The following USP4 variants were observed in gnomAD, a reference collection of about 807,000 sequenced individuals.
USP4 encodes the protein ubiquitin carboxyl-terminal hydrolase 4.
Under a neutral mutation model 118.2 loss-of-function variants are expected in USP4, and 72 were observed. That is an observed-to-expected ratio of 0.61 (90% CI 0.50 to 0.74). The LOEUF is 0.74. Ranked by LOEUF, USP4 falls within the 30% of genes least tolerant of loss-of-function variation. USP4 has a pLI of 0.00. For synonymous variants in USP4, 415 were observed against 440.4 expected, an observed-to-expected ratio of 0.94 and a Z score of 0.72; for missense variants, 1,037 against 1,185.7, an observed-to-expected ratio of 0.87 and a Z score of 1.84.
At chr3:49,310,540 A>C in intron 8 of USP4, 80 bp downstream of exon 8, 1 of 1,204,104 alleles carries the variant, frequency 8.3e-7, no homozygotes, top group Non-Finnish European at 1.2e-6. Flanking sequence ...CTGGGAGAGG[A>C]TCCACCCAGT....
chr3:49,304,238 C>T (rs902178369), intron 9 of USP4, among the ~76,000 whole-genome samples: 1 of 152,082 alleles, frequency 6.6e-6, no homozygotes, highest in African/African-American at 2.4e-5. Flanking sequence ...CATAAATATG[C>T]ATGTCTTTTC....
At chr3:49,285,542 A>C (rs775983820) in intron 16 of USP4, among the ~76,000 whole-genome samples, 11 of 152,098 alleles carry the variant, frequency 7.2e-5, no homozygotes, top group Non-Finnish European at 1.3e-4. Context: ...GCTACTCAGG[A>C]GGGTGAGGTG....
chr3:49,324,716 C>T lies in USP4; in HGVS notation c.681G>A (p.Gln227=). ...AATTCACTTACTTTGACTGCAAGGT[C>T]TGCCTGGGCCATGTGCCATCTTCAT... ...PQNEDGTWPR[Q]TLQSKSSTAP... is the part of the protein sequence containing the mutation. Residue 227 remains glutamine, a synonymous_variant, in exon 6 of 22, where the codon CAG becomes CAA. Transcript: ENST00000265560. The T allele has an allele frequency of 6.2e-7, 1 of 1,614,212 alleles. No individual in the cohort carries two copies. The highest frequency in any genetic ancestry group is 8.5e-7 in the Non-Finnish European group (1 of 1,180,020).
At chr3:49,318,472 G>T in intron 6 of USP4, 1 of 985,398 alleles carries the variant, frequency 1.0e-6, no homozygotes, top group East Asian at 1.1e-4. Context: ...GAGAGAAACA[G>T]ATGGAAAGAG....
chr3:49,313,905 T>G (rs535071117), intron 6 of USP4: 118 of 152,124 alleles, frequency 7.8e-4, no homozygotes, highest in African/African-American at 2.7e-3. Flanking sequence ...AACAGTCTCC[T>G]TATGTTGCCC....
In USP4 at chr3:49,294,505, G is replaced by A. The variant is rs2047182976; in HGVS notation, c.1785C>T (p.Ser595=). 2 of 1,614,220 alleles carry A rather than the reference G, an allele frequency of 1.2e-6. No homozygotes were observed. Among genetic ancestry groups the A allele is most frequent in the Non-Finnish European group, 1.7e-6 (2 of 1,180,028 alleles). Reference sequence around the variant, plus strand: ...GCTGCCCATATAGCGCTGATGCGGAGGAAGTGCTTGATGGCCTGGACTTCC... The same window carrying A: ...GCTGCCCATATAGCGCTGATGCGGAAGAAGTGCTTGATGGCCTGGACTTCC... ...RERKSRPSST[S]SASALYGQPL... The change falls in exon 14 of 22, where the codon TCC becomes TCT. Residue 595 remains serine, a synonymous_variant. Transcript: ENST00000265560.
At position 49,282,335 on chromosome 3, in the gene USP4, C is replaced by T. The variant is rs187763804; in HGVS notation, c.2541-1488G>A. 1.6e-3 allele frequency among the ~76,000 whole-genome samples: 246 copies of T among 151,692 alleles called. No individual in the cohort carries two copies. The Middle Eastern group carries it at 0.017, about 11-fold the overall frequency. ...TGTCGTCCGGGCTGGAGTGCAGTGG[C>T]GCGATCTTGACTCACTGCAACCTCT... On this transcript the variant is annotated intron_variant, in intron 19 of 21. Coordinates refer to ENST00000265560, the MANE Select transcript of USP4 (RefSeq NM_003363.4).
intron 6 of USP4, 122 bp downstream of exon 6, chr3:49,324,578 GAT>G (rs2047531897): frequency 1.1e-6 from 1 of 903,782 alleles, no homozygotes; most frequent in East Asian, 2.4e-5. Flanking sequence ...ATGAACTCTG[GAT>G]ATACAAAATA....
chr3:49,337,254 G>A (rs2047677935), intron 1 of USP4, among the ~76,000 whole-genome samples: 1 of 151,776 alleles, frequency 6.6e-6, no homozygotes, highest in Admixed American at 6.6e-5. Context: ...CTCTAGCCTG[G>A]GTGACAGGAA....
chr3:49,325,719 C>A lies in USP4; in HGVS notation c.487G>T (p.Ala163Ser). The A allele has an allele frequency of 6.2e-7, 1 of 1,613,372 alleles. No individual in the cohort carries two copies. Among genetic ancestry groups the A allele is most frequent in the South Asian group, 1.1e-5 (1 of 91,044 alleles). The change falls in exon 4 of 22, where the codon GCA (alanine) becomes TCA (serine). Residue 163 changes from alanine to serine, a missense_variant and splice_region_variant. Coordinates refer to ENST00000265560, the MANE Select transcript of USP4 (RefSeq NM_003363.4). ...CAGGGACCCCAGCCCAGCCTCTCAC[C>A]AATGGTGTCTGCCTTGCTGAAATGG... ...SCHFSKADTI[A>S]TIEKEMRKLF...
At position 49,324,897 on chromosome 3, in the gene USP4, AC is replaced by A; in HGVS notation, c.629del (p.Gly210ValfsTer4). ...NTVQDAGLYQGQVLVIEPQNE... is the reference protein window; with the variant it reads ...NTVQDAGLYQXQVLVIEPQNE... The stretch of plus-strand genomic sequence containing the variant: ...GGAATGGCCAGGGCCCTCCTACCTG[AC>A]CCTGGTATAGCCCAGCATCCTGGAC... On this transcript the variant is annotated frameshift_variant, in exon 5 of 22. Coordinates refer to ENST00000265560, the MANE Select transcript of USP4 (RefSeq NM_003363.4). LOFTEE classifies it high-confidence loss of function. 6.2e-7 allele frequency: 1 copy of A among 1,613,996 alleles called. No individual in the cohort carries two copies. Among genetic ancestry groups the A allele is most frequent in the African/African-American group, 1.3e-5 (1 of 74,964 alleles).
At chr3:49,314,106 A>T (rs1346900993) in intron 6 of USP4, 1 of 152,242 alleles carries the variant, frequency 6.6e-6, no homozygotes, top group Non-Finnish European at 1.5e-5. Context: ...ATGACTAAGA[A>T]GATGTACTGT....
intron 15 of USP4, among the ~76,000 whole-genome samples, chr3:49,292,102 C>T (rs1321936055): frequency 5.9e-5 from 9 of 152,016 alleles, no homozygotes; most frequent in African/African-American, 1.4e-4. Context: ...CCACCACGCC[C>T]GGCCAACCCC....
At chr3:49,335,366 C>A in intron 2 of USP4, 103 bp downstream of exon 2, 1 of 1,471,184 alleles carries the variant, frequency 6.8e-7, no homozygotes. Flanking sequence ...TTGTTTCTAT[C>A]TCCTCACACT....
At chr3:49,308,438 G>T (rs1002460272) in intron 8 of USP4, among the ~76,000 whole-genome samples, 1 of 152,016 alleles carries the variant, frequency 6.6e-6, no homozygotes, top group Non-Finnish European at 1.5e-5. Context: ...TCCTGCCTCA[G>T]CCTCCCAAGT....
intron 2 of USP4, among the ~76,000 whole-genome samples, chr3:49,330,199 C>CAAACAAACAAACAAAA (rs1553627144): frequency 6.7e-6 from 1 of 150,316 alleles, no homozygotes; most frequent in African/African-American, 2.5e-5. Context: ...AACAAACAAA[C>CAAACAAACAAACAAAA]AAAAAAAGTT....
intron 3 of USP4, among the ~76,000 whole-genome samples, 196 bp from the exon 4 acceptor site, chr3:49,326,041 G>A (rs1204221780): frequency 6.6e-6 from 1 of 152,172 alleles, no homozygotes; most frequent in Non-Finnish European, 1.5e-5. Flanking sequence ...TTCTGGCCGC[G>A]TGTGGTGGCT....
chr3:49,278,526 T>C, intron 21 of USP4, 75 bp from the exon 22 acceptor site: 2 of 1,530,658 alleles, frequency 1.3e-6, no homozygotes, highest in Non-Finnish European at 1.8e-6. Context: ...TCTCTAGCTG[T>C]CCAAAACCCT....
At chr3:49,320,453 G>C (rs1250309018) in intron 6 of USP4, among the ~76,000 whole-genome samples, 2 of 151,716 alleles carry the variant, frequency 1.3e-5, no homozygotes, top group African/African-American at 2.4e-5. Context: ...AAACAAAAAA[G>C]AAAAAGAAAA....
Sources: gnomAD v4.1 joint callset for allele counts (sites outside exome capture counted in the v4.1 genomes callset) on GRCh38, gnomAD v4.1.1 for gene constraint, MANE v1.5 for transcripts, NCBI Gene and HGNC (gene_info 2026-07-23, HGNC 2026-07-21) for gene names.